MECOM: variants seen among roughly 807,000 people sequenced by gnomAD.
MECOM encodes the protein MDS1 and EVI1 complex locus.
MECOM carries 13 observed loss-of-function variants against 116.3 expected under a neutral mutation model. The observed-to-expected ratio is 0.11, with a 90% CI of 0.07 to 0.18. The LOEUF is 0.18. Ranked by LOEUF, MECOM falls within the 10% of genes least tolerant of loss-of-function variation. The pLI is 1.00. For missense variants in MECOM, 1,299 were observed against 1,509.0 expected, an observed-to-expected ratio of 0.86 and a Z score of 2.31; for synonymous variants, 528 against 535.2, an observed-to-expected ratio of 0.99 and a Z score of 0.19.
At chr3:169,440,394 A>C (rs1743413872) in intron 1 of MECOM, among the ~76,000 whole-genome samples, 1 of 152,160 alleles carries the variant, frequency 6.6e-6, no homozygotes, top group African/African-American at 2.4e-5. Flanking sequence ...GCTGGGGCCA[A>C]GGAAGGTTTC....
chr3:169,392,070 T>C (rs780390565), intron 1 of MECOM, among the ~76,000 whole-genome samples: 17 of 152,316 alleles, frequency 1.1e-4, no homozygotes, highest in Admixed American at 3.9e-4. Flanking sequence ...ACAATCGGCT[T>C]TTGTTGAAAT....
At chr3:169,261,569 C>T (rs577188304) in intron 2 of MECOM, among the ~76,000 whole-genome samples, 9 of 152,090 alleles carry the variant, frequency 5.9e-5, no homozygotes, top group South Asian at 4.2e-4. Flanking sequence ...GGCATGGTGG[C>T]GGGCACCTGT....
chr3:169,111,893 A>G (rs1727525758), intron 9 of MECOM, among the ~76,000 whole-genome samples: 1 of 151,708 alleles, frequency 6.6e-6, no homozygotes, highest in African/African-American at 2.4e-5. Context: ...CAGCTTGCAT[A>G]AACTTCCCCT....
At chr3:169,446,684 C>T (rs900317014) in intron 1 of MECOM, among the ~76,000 whole-genome samples, 2 of 152,170 alleles carry the variant, frequency 1.3e-5, no homozygotes, top group Admixed American at 6.5e-5. Flanking sequence ...TATCTTAAAT[C>T]CCACACCTGC....
intron 2 of MECOM, among the ~76,000 whole-genome samples, chr3:169,214,427 T>TAA (rs567724280): frequency 9.9e-4 from 135 of 136,822 alleles, no homozygotes; most frequent in Non-Finnish European, 1.7e-3. Context: ...CAGGAGTGTT[T>TAA]AAAAAAAAAA....
intron 2 of MECOM, among the ~76,000 whole-genome samples, chr3:169,260,461 ATT>A (rs200384707): frequency 6.9e-4 from 98 of 141,288 alleles, no homozygotes; most frequent in Middle Eastern, 3.7e-3. Flanking sequence ...GCATGCAATG[ATT>A]TTTTTTTTTT....
At chr3:169,631,256 T>C (rs376147244) in intron 1 of MECOM, among the ~76,000 whole-genome samples, 163 of 152,362 alleles carry the variant, frequency 1.1e-3, no homozygotes, top group African/African-American at 3.8e-3. Flanking sequence ...AGCTACTTCA[T>C]GATTTCCTTC....
At chr3:169,340,956 A>T (rs1724403205) in intron 2 of MECOM, among the ~76,000 whole-genome samples, 1 of 152,200 alleles carries the variant, frequency 6.6e-6, no homozygotes, top group Non-Finnish European at 1.5e-5. Context: ...AAATCTGTCA[A>T]TTATCCAGAT....
chr3:169,202,819 C>CAAAAAAAAAAAAAAAAAAAAAAA (rs11287862), intron 2 of MECOM, among the ~76,000 whole-genome samples: 1 of 90,282 alleles, frequency 1.1e-5, no homozygotes. Flanking sequence ...TTGCCATTAG[C>CAAAAAAAAAAAAAAAAAAAAAAA]AAAAAAAAAA....
intron 1 of MECOM, among the ~76,000 whole-genome samples, chr3:169,642,535 A>C (rs973531484): frequency 2.0e-4 from 30 of 151,998 alleles, no homozygotes; most frequent in Non-Finnish European, 2.5e-4. Flanking sequence ...AAAAAAGTGA[A>C]AAGGAAAGAA....
At position 169,144,961 on chromosome 3, in the gene MECOM, C is replaced by T. The variant is rs1026079995; in HGVS notation, c.376-1129G>A. ...AAAGCAATTTTGCATAGAATTCAGG[C>T]AATCACCCAATTGCAGATTCAAGTC... On this transcript the variant is annotated intron_variant, in intron 2 of 16. Coordinates refer to ENST00000651503, the MANE Select transcript of MECOM (RefSeq NM_004991.4). 3.9e-6 allele frequency: 6 copies of T among 1,526,772 alleles called. No homozygotes were observed. The Admixed American group carries it at 7.7e-5, about 20-fold the overall frequency. The allele number at this position is 1,526,772 out of a possible 1,614,324, so 94.6% of individuals were successfully genotyped here.
At chr3:169,373,492 A>C (rs1730494747) in intron 2 of MECOM, among the ~76,000 whole-genome samples, 1 of 152,002 alleles carries the variant, frequency 6.6e-6, no homozygotes, top group South Asian at 2.1e-4. Flanking sequence ...ATTTTCTTTG[A>C]AGAGACTACC....
At chr3:169,095,310 G>T in intron 12 of MECOM, 65 bp from the exon 13 acceptor site, 1 of 1,390,512 alleles carries the variant, frequency 7.2e-7, no homozygotes, top group East Asian at 2.5e-5. Context: ...AGACTAGTTA[G>T]CCAGCTATCA....
intron 1 of MECOM, among the ~76,000 whole-genome samples, chr3:169,633,618 A>G (rs1560515990): frequency 6.6e-6 from 1 of 152,154 alleles, no homozygotes; most frequent in Non-Finnish European, 1.5e-5. Context: ...TCACCCACAC[A>G]CACACTCTGT....
chr3:169,504,689 G>A (rs899775064), intron 1 of MECOM, among the ~76,000 whole-genome samples: 7 of 152,052 alleles, frequency 4.6e-5, no homozygotes, highest in Non-Finnish European at 7.4e-5. Context: ...GCTATCAAAG[G>A]ATAGCAATGA....
chr3:169,169,245 T>G (rs1425232547), intron 2 of MECOM, among the ~76,000 whole-genome samples: 3 of 152,106 alleles, frequency 2.0e-5, no homozygotes, highest in Non-Finnish European at 2.9e-5. Context: ...ACACAATACT[T>G]AATATCATAT....
intron 2 of MECOM, among the ~76,000 whole-genome samples, chr3:169,318,846 C>G (rs995335978): frequency 6.6e-6 from 1 of 152,048 alleles, no homozygotes; most frequent in African/African-American, 2.4e-5. Context: ...TGTCTGTAAT[C>G]CCAGCACTTT....
intron 1 of MECOM, among the ~76,000 whole-genome samples, chr3:169,646,974 A>G (rs962202174): frequency 6.6e-6 from 1 of 152,230 alleles, no homozygotes; most frequent in Non-Finnish European, 1.5e-5. Flanking sequence ...TCATAAAAAG[A>G]AGCTTTCTCA....
At chr3:169,231,760 T>C (rs1753430869) in intron 2 of MECOM, among the ~76,000 whole-genome samples, 1 of 150,458 alleles carries the variant, frequency 6.6e-6, no homozygotes, top group Admixed American at 6.7e-5. Flanking sequence ...AAATCATACA[T>C]GGTCCCATGA....
Sources: allele counts gnomAD v4.1 joint callset (sites outside exome capture counted in the v4.1 genomes callset), GRCh38; gene constraint gnomAD v4.1.1; transcripts MANE v1.5; gene names NCBI Gene and HGNC (gene_info 2026-07-23, HGNC 2026-07-21).